The following SLC25A48 variants were observed in gnomAD, a reference collection of about 807,000 sequenced individuals.
SLC25A48 encodes the protein CTC-321K16.1.
In SLC25A48, 29 loss-of-function variants were observed where a neutral mutation model predicts 32.2. The observed-to-expected ratio is 0.90, with a 90% CI of 0.67 to 1.23. The LOEUF is 1.23. SLC25A48 is among the 50% of genes most tolerant of loss of function. The pLI is 0.00. For synonymous variants in SLC25A48, 164 were observed against 172.3 expected, an observed-to-expected ratio of 0.95 and a Z score of 0.38; for missense variants, 399 against 422.7, an observed-to-expected ratio of 0.94 and a Z score of 0.49.
intron 3 of SLC25A48, among the ~76,000 whole-genome samples, chr5:135,766,648 G>A (rs975992587): frequency 2.1e-5 from 3 of 142,932 alleles, no homozygotes; most frequent in South Asian, 2.2e-4. Context: ...ATCCATGGGG[G>A]AGAGGGTGAT....
At chr5:135,613,090 T>A (rs554050118) in intron 1 of SLC25A48, among the ~76,000 whole-genome samples, 2 of 152,218 alleles carry the variant, frequency 1.3e-5, no homozygotes, top group African/African-American at 4.8e-5. Flanking sequence ...CATCTGTTAT[T>A]TTTTGTCTTC....
At chr5:135,598,817 G>C (rs1751719745) in intron 1 of SLC25A48, among the ~76,000 whole-genome samples, 1 of 152,116 alleles carries the variant, frequency 6.6e-6, no homozygotes, top group Non-Finnish European at 1.5e-5. Context: ...AAGTGAAATG[G>C]AGGACATAGA....
intron 3 of SLC25A48, among the ~76,000 whole-genome samples, chr5:135,717,552 G>A (rs904888195): frequency 1.3e-5 from 2 of 152,214 alleles, no homozygotes; most frequent in African/African-American, 4.8e-5. Context: ...GGATCAGGGT[G>A]GATTCTAACT....
In SLC25A48 at chr5:135,623,470, A is replaced by G. The variant is rs530961266; in HGVS notation, c.-848-5767A>G. ...TGTCTGGGGAAGGTTGGTCTCAGTCAGGTTTGGGAAAGCAGTGGAAGGCTC... is the reference window on the plus strand; with the variant it reads ...TGTCTGGGGAAGGTTGGTCTCAGTCGGGTTTGGGAAAGCAGTGGAAGGCTC... On this transcript the variant is annotated intron_variant, in intron 1 of 10. Transcript: ENST00000646290. Among the ~76,000 whole-genome samples the G allele has an allele frequency of 3.0e-4, 45 of 152,306 alleles. 1 individual carries two copies. The Middle Eastern group carries it at 0.02, about 69-fold the overall frequency.
rs1446060284 is a variant in SLC25A48, at chr5:135,846,054, G to C, written c.90+3595G>C. On this transcript the variant is annotated intron_variant, in intron 2 of 7. Coordinates refer to ENST00000681962, the MANE Select transcript of SLC25A48 (RefSeq NM_001349336.2). ...CAGGAGGTGAGCAGTGGGTAAGTGA[G>C]CATTACTGCCTGAGCTCTGCTTCCT... 2.6e-5 allele frequency among the ~76,000 whole-genome samples: 4 copies of C among 152,328 alleles called. No homozygotes were observed. The East Asian group carries it at 7.7e-4, about 29-fold the overall frequency.
intron 6 of SLC25A48, chr5:135,875,127 G>T (rs151311762): frequency 6.3e-6 from 1 of 158,490 alleles, no homozygotes; most frequent in African/African-American, 2.4e-5. Context: ...TTTTAGCACC[G>T]GTATTACCCT....
Position 135,738,641 on chromosome 5 carries a change from GT to G in SLC25A48, c.-520-73881del, listed in dbSNP as rs533735269. 2.0e-3 allele frequency among the ~76,000 whole-genome samples: 300 copies of G among 152,318 alleles called. 1 individual carries two copies. Among genetic ancestry groups the G allele is most frequent in the African/African-American group, 6.7e-3 (279 of 41,570 alleles). ...CCTTGGCTGTCTGGGCTTCTGATCT[GT>G]GAGACGAGTGCTCCGGGATCATCAA... On this transcript the variant is annotated intron_variant, in intron 3 of 10. Transcript: ENST00000646290.
chr5:135,650,003 C>T (rs768283535), intron 3 of SLC25A48: 71 of 163,906 alleles, frequency 4.3e-4, no homozygotes, highest in Non-Finnish European at 7.0e-4. Context: ...TACATCCACC[C>T]GCTTCTCCTG....
At chr5:135,790,950 G>A (rs1013983955) in intron 3 of SLC25A48, among the ~76,000 whole-genome samples, 1 of 138,136 alleles carries the variant, frequency 7.2e-6, no homozygotes, top group South Asian at 2.3e-4. Context: ...CACAGTAAGT[G>A]TACATTATGT....
upstream of SLC25A48, among the ~76,000 whole-genome samples, chr5:135,831,796 A>C (rs1758217040): frequency 6.6e-6 from 1 of 152,224 alleles, no homozygotes; most frequent in Non-Finnish European, 1.5e-5. Flanking sequence ...ATCAAAGTTC[A>C]CTAAACTGAG....
intron 3 of SLC25A48, among the ~76,000 whole-genome samples, chr5:135,702,934 T>G (rs1432253868): frequency 1.3e-5 from 2 of 152,232 alleles, no homozygotes; most frequent in Non-Finnish European, 2.9e-5. Context: ...CAGGACCCTC[T>G]TCGGGAAAAC....
chr5:135,868,243 A>G (rs973137556), intron 4 of SLC25A48, among the ~76,000 whole-genome samples: 3 of 152,234 alleles, frequency 2.0e-5, no homozygotes, highest in African/African-American at 7.2e-5. Context: ...AGGTCCAGCC[A>G]AGAATGCATG....
intron 3 of SLC25A48, among the ~76,000 whole-genome samples, chr5:135,714,184 T>C (rs922046630): frequency 6.6e-6 from 1 of 151,618 alleles, no homozygotes; most frequent in African/African-American, 2.4e-5. Flanking sequence ...GGCTGAGGGG[T>C]TGGCATGCCC....
chr5:135,750,340 T>A (rs1755739702), intron 3 of SLC25A48, among the ~76,000 whole-genome samples: 2 of 152,180 alleles, frequency 1.3e-5, no homozygotes, highest in African/African-American at 4.8e-5. Flanking sequence ...TCACCTGGGC[T>A]CCCTTAATGT....
chr5:135,768,870 T>C (rs1198414208), intron 3 of SLC25A48, among the ~76,000 whole-genome samples: 1 of 151,826 alleles, frequency 6.6e-6, no homozygotes, highest in East Asian at 1.9e-4. Context: ...CTTCCTGTGA[T>C]ATTGGTTGTA....
At chr5:135,820,277 T>C (rs1339204804) in intron 4 of SLC25A48, among the ~76,000 whole-genome samples, 12 of 152,158 alleles carry the variant, frequency 7.9e-5, no homozygotes, top group African/African-American at 2.9e-4. Context: ...AAAAACATAG[T>C]GCTGAATATT....
At chr5:135,707,523 C>T (rs573631870) in intron 3 of SLC25A48, among the ~76,000 whole-genome samples, 3 of 152,182 alleles carry the variant, frequency 2.0e-5, no homozygotes, top group Non-Finnish European at 4.4e-5. Flanking sequence ...CCGCCGCCCC[C>T]GCCCTTGGGT....
intron 3 of SLC25A48, among the ~76,000 whole-genome samples, chr5:135,765,973 G>T (rs975473387): frequency 6.6e-6 from 1 of 150,926 alleles, no homozygotes; most frequent in African/African-American, 2.4e-5. Context: ...ATCCCCCCGT[G>T]ATATGGTTTC....
chr5:135,772,426 A>G (rs1223786516), intron 3 of SLC25A48, among the ~76,000 whole-genome samples: 1 of 151,482 alleles, frequency 6.6e-6, no homozygotes, highest in Non-Finnish European at 1.5e-5. Context: ...GGATGATATT[A>G]CTCCCTATAT....
Sources: allele counts gnomAD v4.1 joint callset (sites outside exome capture counted in the v4.1 genomes callset), GRCh38; gene constraint gnomAD v4.1.1; transcripts MANE v1.5; gene names NCBI Gene and HGNC (gene_info 2026-07-23, HGNC 2026-07-21).